Variants in DIAPH3 observed in about 807,000 individuals in gnomAD.
DIAPH3 encodes the protein protein diaphanous homolog 3.
Under a neutral mutation model 144.3 loss-of-function variants are expected in DIAPH3, and 117 were observed. The observed-to-expected ratio is 0.81, with a 90% confidence interval of 0.70 to 0.95. The LOEUF (loss-of-function observed/expected upper bound fraction) is 0.95, where lower values mean the gene tolerates loss of function less well. DIAPH3 is among the 40% of genes least tolerant of loss of function. The pLI is 0.00. For synonymous variants in DIAPH3, 519 were observed against 488.9 expected (o/e 1.06, Z -0.81); for missense variants, 1,421 against 1,412.7 (o/e 1.01, Z -0.09).
intron 27 of DIAPH3, among the ~76,000 whole-genome samples, chr13:59,741,694 G>A (rs1306468632): frequency 3.8e-5 from 5 of 131,388 alleles, no homozygotes; most frequent in African/African-American, 5.8e-5. Context: ...TCCAGCCTGG[G>A]CAACAAAGCA....
At chr13:60,109,899 A>C (rs2058520231) in intron 3 of DIAPH3, among the ~76,000 whole-genome samples, 1 of 152,210 alleles carries the variant, frequency 6.6e-6, no homozygotes, top group South Asian at 2.1e-4. Context: ...ACAGAAACCA[A>C]TATGGGCTTT....
intron 22 of DIAPH3, among the ~76,000 whole-genome samples, chr13:59,857,555 T>A (rs11842701): frequency 0.017 from 2,591 of 152,250 alleles, 64 homozygotes; most frequent in East Asian, 0.098. Context: ...TGAGTTAACA[T>A]TGAATCCACT....
chr13:59,771,206 C>G (rs1327252471), intron 27 of DIAPH3, among the ~76,000 whole-genome samples: 1 of 152,014 alleles, frequency 6.6e-6, no homozygotes, highest in African/African-American at 2.4e-5. Flanking sequence ...GAGACTATAG[C>G]TATGATTTAA....
intron 3 of DIAPH3, among the ~76,000 whole-genome samples, chr13:60,103,940 T>C (rs1297705352): frequency 6.6e-6 from 1 of 152,212 alleles, no homozygotes; most frequent in Non-Finnish European, 1.5e-5. Context: ...CTAAGGTTTT[T>C]ACTACCATGA....
chr13:60,064,046 T>C (rs2056869406), intron 4 of DIAPH3, among the ~76,000 whole-genome samples: 1 of 152,190 alleles, frequency 6.6e-6, no homozygotes, highest in South Asian at 2.1e-4. Context: ...ATAGTAGGTC[T>C]CAACAAGCGG....
intron 3 of DIAPH3, among the ~76,000 whole-genome samples, chr13:60,101,452 G>A (rs993815154): frequency 1.3e-5 from 2 of 151,898 alleles, no homozygotes; most frequent in Non-Finnish European, 1.5e-5. Context: ...CACCCAGGAC[G>A]GTTCTGAATG....
intron 20 of DIAPH3, among the ~76,000 whole-genome samples, chr13:59,886,761 G>A (rs1451898467): frequency 3.3e-5 from 5 of 151,544 alleles, no homozygotes; most frequent in African/African-American, 7.3e-5. Context: ...AATTTTTGCT[G>A]TTTGTAGAAA....
intron 4 of DIAPH3, among the ~76,000 whole-genome samples, chr13:60,073,827 C>T (rs1272195448): frequency 6.6e-6 from 1 of 152,148 alleles, no homozygotes; most frequent in African/African-American, 2.4e-5. Context: ...TATTCCAAGT[C>T]ACATTTAAAA....
In DIAPH3 at chr13:59,980,033, T is replaced by C. The variant is rs542987277; in HGVS notation, c.1545+762A>G. Among the ~76,000 whole-genome samples, 142 of 151,772 alleles carry C rather than the reference T, an allele frequency of 9.4e-4. 1 individual carries two copies. The highest frequency in any genetic ancestry group is 3.0e-3 in the African/African-American group (126 of 41,508). On this transcript the variant is annotated intron_variant, in intron 14 of 27. Transcript: ENST00000400324. ...TTCCATTATTGGAACGCTGAGCATG[T>C]GGAAGTTATTTATATCCTACTGCTT...
At chr13:59,927,279 G>T (rs1019159785) in intron 17 of DIAPH3, among the ~76,000 whole-genome samples, 1 of 152,050 alleles carries the variant, frequency 6.6e-6, no homozygotes, top group Non-Finnish European at 1.5e-5. Flanking sequence ...CATTCAGCCA[G>T]TACATAACTT....
chr13:59,694,190 T>C (rs1345757345), intron 27 of DIAPH3, among the ~76,000 whole-genome samples: 1 of 152,102 alleles, frequency 6.6e-6, no homozygotes, highest in Non-Finnish European at 1.5e-5. Flanking sequence ...TTAGTCAAGG[T>C]AAAATGAAAT....
chr13:60,075,601 T>C (rs1463589703), intron 4 of DIAPH3, among the ~76,000 whole-genome samples: 2 of 152,208 alleles, frequency 1.3e-5, no homozygotes, highest in Admixed American at 6.5e-5. Flanking sequence ...ACAGAAAATA[T>C]TAAAACCTCA....
chr13:60,015,293 T>C (rs2140982399), intron 7 of DIAPH3, among the ~76,000 whole-genome samples: 1 of 152,216 alleles, frequency 6.6e-6, no homozygotes, highest in South Asian at 2.1e-4. Context: ...CACAAGCAGG[T>C]TTCTCCCTTC....
At chr13:60,074,374 AAGG>A (rs2057308662) in intron 4 of DIAPH3, among the ~76,000 whole-genome samples, 1 of 152,198 alleles carries the variant, frequency 6.6e-6, no homozygotes, top group East Asian at 1.9e-4. Flanking sequence ...GGCTAAAATC[AAGG>A]AGCAGTCATT....
chr13:59,920,179 G>A (rs191522331), intron 18 of DIAPH3, among the ~76,000 whole-genome samples: 7 of 151,884 alleles, frequency 4.6e-5, no homozygotes, highest in Admixed American at 2.6e-4. Flanking sequence ...TCAACAAAAC[G>A]GTAGTTATAA....
rs573567005 is a variant in DIAPH3, at chr13:59,943,382, C to T, written c.2075-18512G>A. ...AGACCACTGTTACTGTACCACACTC[C>T]ATTTCCTGGGGAAGGACGAACACAG... On this transcript the variant is annotated intron_variant, in intron 17 of 27. Coordinates refer to ENST00000400324, the MANE Select transcript of DIAPH3 (RefSeq NM_001042517.2). Among the ~76,000 whole-genome samples the T allele has an allele frequency of 5.3e-5, 8 of 152,322 alleles. No individual in the cohort carries two copies. In the South Asian group the frequency reaches 1.5e-3, roughly 28 times the overall value.
At chr13:60,049,476 C>T (rs541646168) in intron 4 of DIAPH3, among the ~76,000 whole-genome samples, 2 of 152,302 alleles carry the variant, frequency 1.3e-5, no homozygotes, top group Middle Eastern at 3.4e-3. Flanking sequence ...TGACACCCTC[C>T]GCCCTTATCC....
chr13:60,072,321 T>C (rs1157644201), intron 4 of DIAPH3, among the ~76,000 whole-genome samples: 1 of 152,178 alleles, frequency 6.6e-6, no homozygotes, highest in Non-Finnish European at 1.5e-5. Context: ...TTTCATGAGT[T>C]TCTCCTCCTC....
chr13:59,693,361 G>A (rs2033637636), intron 27 of DIAPH3, among the ~76,000 whole-genome samples: 1 of 152,160 alleles, frequency 6.6e-6, no homozygotes, highest in Non-Finnish European at 1.5e-5. Flanking sequence ...AGTATGGGCT[G>A]GCCAGATGTC....
Sources: allele counts gnomAD v4.1 joint callset (sites outside exome capture counted in the v4.1 genomes callset), GRCh38; gene constraint gnomAD v4.1.1; transcripts MANE v1.5; gene names NCBI Gene and HGNC (gene_info 2026-07-23, HGNC 2026-07-21).